Variants in SAMD3 observed in about 807,000 individuals in gnomAD.
SAMD3 encodes the protein sterile alpha motif domain containing 3, also known as sterile alpha motif domain-containing protein 3.
SAMD3 carries 63 observed loss-of-function variants against 58.5 expected under a neutral mutation model. That is an observed-to-expected ratio of 1.08 (90% CI 0.88 to 1.33). The LOEUF (loss-of-function observed/expected upper bound fraction) is 1.33. Ranked by LOEUF, SAMD3 falls within the 40% of genes most tolerant of loss-of-function variation. The probability of loss-of-function intolerance (pLI) is 0.00; values close to 1 mark genes in which losing one functional copy is unlikely to be tolerated. For missense variants in SAMD3, 604 were observed against 608.4 expected (o/e 0.99, Z 0.08); for synonymous variants, 220 against 210.3 (o/e 1.05, Z -0.40).
At chr6:130,192,063 C>T (rs1793597497) in intron 5 of SAMD3, among the ~76,000 whole-genome samples, 1 of 152,150 alleles carries the variant, frequency 6.6e-6, no homozygotes, top group African/African-American at 2.4e-5. Context: ...TGTGGTTCTC[C>T]TCATCTGAAT....
chr6:130,160,977 AAAAC>A (rs1405959773), intron 8 of SAMD3: 1 of 152,218 alleles, frequency 6.6e-6, no homozygotes, highest in African/African-American at 2.4e-5. Context: ...GCTTGAAAAA[AAAAC>A]AAGCAAAACT....
In SAMD3 at chr6:130,237,088, C is replaced by T. The variant is rs530542571; in HGVS notation, c.-187-14275G>A. The stretch of plus-strand genomic sequence containing the variant: ...TATTATAATTAATGACTACTATGTA[C>T]TACATTAATTAAAAAATAAAGCTGT... On this transcript the variant is annotated intron_variant, in intron 2 of 13. Transcript: ENST00000368134. Among the ~76,000 whole-genome samples the T allele has an allele frequency of 2.1e-5, 3 of 144,394 alleles. No homozygotes were observed. In the South Asian group the frequency reaches 6.3e-4, roughly 30 times the overall value. 94.7% of individuals were successfully genotyped at this position (144,394 alleles called of 152,430 possible). A position where few individuals can be genotyped will look rare whatever the true frequency, so the allele number is the denominator to read the frequency against.
At position 130,144,431 on chromosome 6, in the gene SAMD3, T is replaced by C; in HGVS notation, c.*89A>G. On this transcript the variant is annotated 3_prime_UTR_variant, in exon 12 of 12. Transcript: ENST00000439090. ...AAATACAAGATGATTTTCTCATACC[T>C]ACCTCTACCACAACCCTAAATCAAA... The C allele has an allele frequency of 8.0e-7, 1 of 1,255,758 alleles. No individual in the cohort carries two copies. Among genetic ancestry groups the C allele is most frequent in the South Asian group, 1.5e-5 (1 of 67,304 alleles). 77.8% of individuals were successfully genotyped at this position (1,255,758 alleles called of 1,614,324 possible). A position where few individuals can be genotyped will look rare whatever the true frequency, so the allele number is the denominator to read the frequency against.
At chr6:130,262,839 A>C (rs1288149250) in intron 2 of SAMD3, among the ~76,000 whole-genome samples, 1 of 152,190 alleles carries the variant, frequency 6.6e-6, no homozygotes, top group Non-Finnish European at 1.5e-5. Flanking sequence ...ATTGAAAAAA[A>C]ATTCTGTGTG....
chr6:130,144,878 G>A, intron 11 of SAMD3, 74 bp from the exon 12 acceptor site: 1 of 1,303,396 alleles, frequency 7.7e-7, no homozygotes, highest in Non-Finnish European at 1.1e-6. Flanking sequence ...CTTAATCATG[G>A]TATTACAATA....
chr6:130,349,769 A>T (rs960953317), intron 1 of SAMD3, among the ~76,000 whole-genome samples: 1 of 152,226 alleles, frequency 6.6e-6, no homozygotes, highest in Non-Finnish European at 1.5e-5. Flanking sequence ...CACAACAAAA[A>T]AAAGAGAATT....
chr6:130,299,212 T>C (rs976661961), intron 2 of SAMD3, among the ~76,000 whole-genome samples: 2 of 152,238 alleles, frequency 1.3e-5, no homozygotes, highest in East Asian at 3.9e-4. Context: ...ACACTTGGTA[T>C]TACAGAGAAT....
intron 5 of SAMD3, 125 bp from the exon 6 acceptor site, chr6:130,184,748 C>A: frequency 1.4e-6 from 1 of 694,046 alleles, no homozygotes; most frequent in Non-Finnish European, 2.3e-6. Context: ...TGGAAGTCAT[C>A]AAGCCATCTT....
chr6:130,340,850 A>G (rs1425703255), intron 1 of SAMD3, among the ~76,000 whole-genome samples: 2 of 152,256 alleles, frequency 1.3e-5, no homozygotes, highest in East Asian at 3.9e-4. Context: ...TTTATGATGA[A>G]TTTGAAGGTT....
At chr6:130,217,144 T>C (rs1043035533) in intron 1 of SAMD3, among the ~76,000 whole-genome samples, 3 of 152,156 alleles carry the variant, frequency 2.0e-5, no homozygotes, top group African/African-American at 7.2e-5. Context: ...AAAAAGCATA[T>C]AGTTTTTGCC....
intron 2 of SAMD3, among the ~76,000 whole-genome samples, chr6:130,238,679 C>T (rs1273346632): frequency 6.6e-6 from 1 of 152,110 alleles, no homozygotes; most frequent in East Asian, 1.9e-4. Flanking sequence ...ACATGGTAAA[C>T]ACATTACTGC....
intron 1 of SAMD3, among the ~76,000 whole-genome samples, chr6:130,339,939 T>C (rs903423003): frequency 2.6e-5 from 4 of 152,208 alleles, no homozygotes; most frequent in African/African-American, 9.6e-5. Context: ...TATGTAATCA[T>C]CTATATCCTC....
chr6:130,175,467 C>T (rs1298289663), intron 8 of SAMD3, among the ~76,000 whole-genome samples: 1 of 152,052 alleles, frequency 6.6e-6, no homozygotes, highest in African/African-American at 2.4e-5. Flanking sequence ...CCAGAGGCTA[C>T]CTAACTCAGA....
chr6:130,346,294 C>A (rs1035884163), intron 1 of SAMD3, among the ~76,000 whole-genome samples: 2 of 152,178 alleles, frequency 1.3e-5, no homozygotes, highest in Non-Finnish European at 2.9e-5. Context: ...CTGGGAAGTG[C>A]AAGGGGTCAG....
chr6:130,346,580 G>A (rs1777460764), intron 1 of SAMD3, among the ~76,000 whole-genome samples: 2 of 152,192 alleles, frequency 1.3e-5, no homozygotes, highest in Admixed American at 1.3e-4. Flanking sequence ...AAAGTGGCTG[G>A]GAAGCTCGAA....
At chr6:130,364,234 G>C (rs748121523) in intron 1 of SAMD3, among the ~76,000 whole-genome samples, 1 of 152,234 alleles carries the variant, frequency 6.6e-6, no homozygotes, top group South Asian at 2.1e-4. Flanking sequence ...ATCAATATCT[G>C]TGGCCTTAAG....
chr6:130,317,364 C>T (rs1237055606), intron 1 of SAMD3, among the ~76,000 whole-genome samples: 1 of 152,162 alleles, frequency 6.6e-6, no homozygotes, highest in African/African-American at 2.4e-5. Context: ...TGGACGCCTA[C>T]TACGTGTTAC....
At chr6:130,200,550 C>T (rs1047733030) in intron 5 of SAMD3, among the ~76,000 whole-genome samples, 2 of 111,868 alleles carry the variant, frequency 1.8e-5, no homozygotes, top group Non-Finnish European at 3.7e-5. Context: ...CTCTGTCCCC[C>T]GACCCACAAA....
chr6:130,264,268 G>A (rs548105299), intron 2 of SAMD3, among the ~76,000 whole-genome samples: 9 of 152,120 alleles, frequency 5.9e-5, no homozygotes, highest in Non-Finnish European at 1.0e-4. Context: ...GGCACCCTGC[G>A]GTTCAGCTGC....
Sources: gnomAD v4.1 joint callset for allele counts (sites outside exome capture counted in the v4.1 genomes callset) on GRCh38, gnomAD v4.1.1 for gene constraint, MANE v1.5 for transcripts, NCBI Gene and HGNC (gene_info 2026-07-23, HGNC 2026-07-21) for gene names.